Variants in CGRRF1 observed in about 807,000 individuals in gnomAD.
CGRRF1 encodes the protein cell growth regulator with ring finger domain 1, also known as cell growth regulator with RING finger domain protein 1.
In CGRRF1, 32 loss-of-function variants were observed where a neutral mutation model predicts 37.2. That is an observed-to-expected ratio of 0.86 (90% confidence interval 0.65 to 1.16). CGRRF1 has a LOEUF of 1.16. Among genes scored for constraint, CGRRF1 ranks in the 50% most tolerant of loss-of-function variants. The pLI is 0.00. For synonymous variants in CGRRF1, 141 were observed against 140.3 expected (o/e 1.00, Z -0.04); for missense variants, 391 against 382.6 (o/e 1.02, Z -0.18).
chr14:54,517,206 G>A (rs2032231524), intron 1 of CGRRF1, among the ~76,000 whole-genome samples: 1 of 152,072 alleles, frequency 6.6e-6, no homozygotes, highest in Admixed American at 6.6e-5. Flanking sequence ...GCCTGTTAAT[G>A]TTTTTTTATC....
chr14:54,531,301 G>A (rs946395901), intron 4 of CGRRF1, among the ~76,000 whole-genome samples: 13 of 151,720 alleles, frequency 8.6e-5, no homozygotes, highest in Middle Eastern at 3.4e-3. Flanking sequence ...AATTAAGTTA[G>A]TTTCATCATT....
chr14:54,514,002 C>T (rs1302704144), intron 1 of CGRRF1, among the ~76,000 whole-genome samples: 1 of 152,068 alleles, frequency 6.6e-6, no homozygotes, highest in Non-Finnish European at 1.5e-5. Context: ...TCCAGTCACT[C>T]TGAGCCTCCA....
chr14:54,511,810 T>C (rs2032133983), intron 1 of CGRRF1, among the ~76,000 whole-genome samples: 2 of 152,202 alleles, frequency 1.3e-5, no homozygotes, highest in Admixed American at 6.5e-5. Flanking sequence ...CATGTAATTA[T>C]AGAACGTTTG....
At chr14:54,510,982 C>A (rs192080960) in intron 1 of CGRRF1, among the ~76,000 whole-genome samples, 94 of 152,244 alleles carry the variant, frequency 6.2e-4, no homozygotes, top group African/African-American at 2.2e-3. Context: ...GGGACATGAG[C>A]TGGATTTTGG....
At chr14:54,524,907 T>C (rs1481369497) in intron 2 of CGRRF1, among the ~76,000 whole-genome samples, 1 of 152,120 alleles carries the variant, frequency 6.6e-6, no homozygotes, top group African/African-American at 2.4e-5. Context: ...TGTGCATGCC[T>C]GATTAAAGTG....
chr14:54,516,238 T>G (rs117578625), intron 1 of CGRRF1, among the ~76,000 whole-genome samples: 244 of 152,308 alleles, frequency 1.6e-3, no homozygotes, highest in Non-Finnish European at 2.9e-3. Flanking sequence ...TAGTTACCAT[T>G]TCACTGCTAT....
chr14:54,511,379 A>C (rs561365175), intron 1 of CGRRF1, among the ~76,000 whole-genome samples: 1 of 152,228 alleles, frequency 6.6e-6, no homozygotes, highest in Non-Finnish European at 1.5e-5. Flanking sequence ...TTCTTGACCC[A>C]TCAGATTTTA....
At chr14:54,513,441 A>C (rs1360443819) in intron 1 of CGRRF1, among the ~76,000 whole-genome samples, 2 of 152,210 alleles carry the variant, frequency 1.3e-5, no homozygotes, top group Non-Finnish European at 2.9e-5. Context: ...ACAGAAAGCA[A>C]ATGACAAACT....
chr14:54,538,107 T>C lies in CGRRF1; in HGVS notation c.723T>C (p.Asn241=), dbSNP rs2032628497. ...ATAATAATTTCACTCCCTCCAACAA[T>C]TCCTCTTCAGAAGAAAAAAACACAG... The part of the protein sequence containing the change: ...SANNNFTPSN[N]SSSEEKNTDR... Residue 241 remains asparagine, a synonymous_variant, in exon 6 of 6, where the codon AAT becomes AAC. Transcript: ENST00000216420. 1 of 1,613,906 alleles carries C rather than the reference T, an allele frequency of 6.2e-7. No homozygotes were observed. Among genetic ancestry groups the C allele is most frequent in the Non-Finnish European group, 8.5e-7 (1 of 1,179,934 alleles).
At chr14:54,527,031 G>A (rs907561483) in intron 2 of CGRRF1, among the ~76,000 whole-genome samples, 1 of 151,910 alleles carries the variant, frequency 6.6e-6, no homozygotes, top group Admixed American at 6.6e-5. Flanking sequence ...CGCTTTATTT[G>A]CTTGTTATAG....
chr14:54,538,133 A>G lies in CGRRF1; in HGVS notation c.749A>G (p.Asp250Gly), dbSNP rs142705181. Residue 250 changes from aspartate (D) to glycine (G), a missense_variant, in exon 6 of 6, where the codon GAC becomes GGC. Asp to Gly is a moderately conservative substitution (Grantham distance 94). Transcript: ENST00000216420. ...NNSSSEEKNT[D>G]RSLLEKVGLS... The stretch of plus-strand genomic sequence containing the variant: ...TCCTCTTCAGAAGAAAAAAACACAG[A>G]CAGAAGTTTGTTGGAAAAGGTGGGA... 3.3e-5 allele frequency: 53 copies of G among 1,614,024 alleles called. No individual in the cohort carries two copies. In the African/African-American group the frequency reaches 5.3e-4, roughly 16 times the overall value.
At chr14:54,533,637 A>T (rs913148561) in intron 4 of CGRRF1, among the ~76,000 whole-genome samples, 2 of 151,954 alleles carry the variant, frequency 1.3e-5, no homozygotes, top group Admixed American at 6.6e-5. Context: ...TTTTTAAAAA[A>T]TTTATTAATA....
At chr14:54,514,471 A>G (rs574106442) in intron 1 of CGRRF1, among the ~76,000 whole-genome samples, 1 of 152,192 alleles carries the variant, frequency 6.6e-6, no homozygotes, top group African/African-American at 2.4e-5. Flanking sequence ...TTAGGTTCAG[A>G]GGTACATGTG....
At chr14:54,537,573 C>A (rs2032619431) in intron 4 of CGRRF1, 149 bp from the exon 5 acceptor site, 1 of 796,852 alleles carries the variant, frequency 1.3e-6, no homozygotes, top group Non-Finnish European at 1.7e-6. Flanking sequence ...CGTAAATTTT[C>A]TAATTTATCA....
At position 54,538,141 on chromosome 14, in the gene CGRRF1, T is replaced by C; in HGVS notation, c.757T>C (p.Leu253=). 1 of 1,614,056 alleles carries C rather than the reference T, an allele frequency of 6.2e-7. No homozygotes were observed. The highest frequency in any genetic ancestry group is 8.5e-7 in the Non-Finnish European group (1 of 1,179,986). Residue 253 remains leucine, a synonymous_variant, in exon 6 of 6, where the codon TTG becomes CTG. Coordinates refer to ENST00000216420, the MANE Select transcript of CGRRF1 (RefSeq NM_006568.3). Reference sequence around the variant, plus strand: ...AGAAGAAAAAAACACAGACAGAAGTTTGTTGGAAAAGGTGGGACTCTCTGA... The same window carrying C: ...AGAAGAAAAAAACACAGACAGAAGTCTGTTGGAAAAGGTGGGACTCTCTGA... ...SSEEKNTDRS[L]LEKVGLSESE...
intron 4 of CGRRF1, among the ~76,000 whole-genome samples, chr14:54,532,836 C>G (rs1441227334): frequency 6.6e-6 from 1 of 152,086 alleles, no homozygotes; most frequent in Non-Finnish European, 1.5e-5. Context: ...TCCTTTCTCT[C>G]AGTTTCAGTT....
intron 3 of CGRRF1, 132 bp from the exon 4 acceptor site, chr14:54,530,771 T>G: frequency 1.1e-6 from 1 of 908,624 alleles, no homozygotes; most frequent in Non-Finnish European, 1.7e-6. Flanking sequence ...TTTGTATCCT[T>G]TTATCTGATA....
At position 54,537,824 on chromosome 14, in the gene CGRRF1, C is replaced by A; in HGVS notation, c.673C>A (p.Leu225Ile). The change falls in exon 5 of 6, where the codon CTT (leucine) becomes ATT (isoleucine). Residue 225 changes from leucine (L) to isoleucine (I), a missense_variant. Physicochemically the swap from Leu to Ile is conservative, Grantham distance 5 (BLOSUM62 2). Transcript: ENST00000216420. ...CTTGGCTCAAGGTCAATTTCATGATCTTAAGGTAAGCCGTACTCTGTAGTC... is the reference window on the plus strand; with the variant it reads ...CTTGGCTCAAGGTCAATTTCATGATATTAAGGTAAGCCGTACTCTGTAGTC... Reference protein sequence around the residue: ...LLLAQGQFHDLKQLFMSANNN... With the variant: ...LLLAQGQFHDIKQLFMSANNN... 1 of 1,601,726 alleles carries A rather than the reference C, an allele frequency of 6.2e-7. No homozygotes were observed. The highest frequency in any genetic ancestry group is 1.1e-5 in the South Asian group (1 of 87,646).
At chr14:54,515,482 G>A (rs2032200655) in intron 1 of CGRRF1, among the ~76,000 whole-genome samples, 1 of 152,088 alleles carries the variant, frequency 6.6e-6, no homozygotes, top group South Asian at 2.1e-4. Flanking sequence ...CTATATATTG[G>A]AGCTATCAGT....
Sources: allele counts gnomAD v4.1 joint callset (sites outside exome capture counted in the v4.1 genomes callset), GRCh38; gene constraint gnomAD v4.1.1; transcripts MANE v1.5; gene names NCBI Gene and HGNC (gene_info 2026-07-23, HGNC 2026-07-21).